The following ITGA4 variants were observed in gnomAD, a reference collection of about 807,000 sequenced individuals.
ITGA4 encodes the protein integrin alpha-4.
Under a neutral mutation model 133.6 loss-of-function variants are expected in ITGA4, and 63 were observed. That is an observed-to-expected ratio of 0.47 (90% CI 0.38 to 0.58). ITGA4 has a LOEUF of 0.58. Among genes scored for constraint, ITGA4 ranks in the 20% least tolerant of loss-of-function variants. The pLI is 0.00. For missense variants in ITGA4, 1,076 were observed against 1,252.7 expected, an observed-to-expected ratio of 0.86 and a Z score of 2.13; for synonymous variants, 483 against 438.0, an observed-to-expected ratio of 1.10 and a Z score of -1.28.
chr2:181,488,059 G>A (rs1384606753), intron 10 of ITGA4, among the ~76,000 whole-genome samples: 1 of 152,198 alleles, frequency 6.6e-6, no homozygotes, highest in Non-Finnish European at 1.5e-5. Flanking sequence ...TTTTGAATGT[G>A]AAAAGTATAT....
chr2:181,483,377 C>T (rs1382616548), intron 9 of ITGA4, among the ~76,000 whole-genome samples: 3 of 151,952 alleles, frequency 2.0e-5, no homozygotes, highest in African/African-American at 7.2e-5. Flanking sequence ...ATCTTCTTGG[C>T]CCGTTCTTTG....
intron 9 of ITGA4, among the ~76,000 whole-genome samples, chr2:181,485,552 C>T (rs1416161144): frequency 6.6e-6 from 1 of 152,134 alleles, no homozygotes; most frequent in Non-Finnish European, 1.5e-5. Flanking sequence ...TTCACCTTTT[C>T]GCTCTTTGCA....
chr2:181,488,121 T>A (rs904256330), intron 10 of ITGA4, among the ~76,000 whole-genome samples: 11 of 152,204 alleles, frequency 7.2e-5, no homozygotes, highest in African/African-American at 2.7e-4. Flanking sequence ...CAATGACAAA[T>A]TTGAATTATT....
intron 4 of ITGA4, chr2:181,475,745 A>G (rs946755917): frequency 7.2e-6 from 11 of 1,526,388 alleles, no homozygotes; most frequent in Admixed American, 4.1e-5. Context: ...TCTAATTTAC[A>G]TGTTTTCCTT....
At chr2:181,504,412 C>T (rs972944524) in intron 15 of ITGA4, among the ~76,000 whole-genome samples, 8 of 151,966 alleles carry the variant, frequency 5.3e-5, no homozygotes, top group African/African-American at 1.9e-4. Flanking sequence ...TTAGTAAATA[C>T]ATTTTTTTGT....
chr2:181,520,539 G>T (rs1016528160), intron 17 of ITGA4, among the ~76,000 whole-genome samples: 1 of 151,952 alleles, frequency 6.6e-6, no homozygotes, highest in African/African-American at 2.4e-5. Flanking sequence ...GAGAGGAGAA[G>T]GACTTGAGAC....
chr2:181,494,732 G>A lies in ITGA4; in HGVS notation c.1259G>A (p.Gly420Glu). 1 of 1,587,632 alleles carries A rather than the reference G, an allele frequency of 6.3e-7. No homozygotes were observed. Among genetic ancestry groups the A allele is most frequent in the Non-Finnish European group, 8.6e-7 (1 of 1,156,252 alleles). Residue 420 changes from glycine (G) to glutamate (E), a missense_variant, in exon 12 of 28, where the codon GGA (glycine) becomes GAA (glutamate). By Grantham distance (98) the Gly-to-Glu change is moderately conservative (BLOSUM62 -2). Transcript: ENST00000397033. Reference sequence around the variant, plus strand: ...TTTCCTATTTTTCAGAGAATTGAAGGACTTCAGATCAGCAAATCGTTAAGT... The same window carrying A: ...TTTCCTATTTTTCAGAGAATTGAAGAACTTCAGATCAGCAAATCGTTAAGT... ...ISSTFSQRIE[G>E]LQISKSLSMF...
At chr2:181,529,216 T>A (rs1031902694) in intron 22 of ITGA4, among the ~76,000 whole-genome samples, 11 of 151,054 alleles carry the variant, frequency 7.3e-5, no homozygotes, top group Admixed American at 4.6e-4. Flanking sequence ...ATGATATTTT[T>A]AAAATATGTA....
Position 181,535,546 on chromosome 2 carries a change from G to GAGAA in ITGA4, c.*20_*23dup. 1.9e-6 allele frequency: 3 copies of GAGAA among 1,583,770 alleles called. No individual in the cohort carries two copies. Among genetic ancestry groups the GAGAA allele is most frequent in the Non-Finnish European group, 2.6e-6 (3 of 1,166,732 alleles). On this transcript the variant is annotated 3_prime_UTR_variant, in exon 28 of 28. Coordinates refer to ENST00000397033, the MANE Select transcript of ITGA4 (RefSeq NM_000885.6). ...TGATTAAGGACTTCTTTCAAATTGAGAGAATGGAAAACAGACTCAGGTTGT... is the reference window on the plus strand; with the variant it reads ...TGATTAAGGACTTCTTTCAAATTGAGAGAAAGAATGGAAAACAGACTCAGGTTGT...
At chr2:181,477,448 C>T (rs927639261) in intron 4 of ITGA4, among the ~76,000 whole-genome samples, 1 of 152,022 alleles carries the variant, frequency 6.6e-6, no homozygotes, top group Non-Finnish European at 1.5e-5. Flanking sequence ...AAATAATATT[C>T]GCATAAGTCC....
chr2:181,502,340 G>C (rs565248564), intron 15 of ITGA4, among the ~76,000 whole-genome samples: 1 of 152,248 alleles, frequency 6.6e-6, no homozygotes, highest in African/African-American at 2.4e-5. Context: ...AGCTGAACTG[G>C]AGTGAAGAGT....
intron 17 of ITGA4, among the ~76,000 whole-genome samples, chr2:181,515,855 A>G (rs1686594069): frequency 6.6e-6 from 1 of 152,136 alleles, no homozygotes; most frequent in Non-Finnish European, 1.5e-5. Flanking sequence ...TCTCCCAGCT[A>G]TAACTCTGCT....
chr2:181,501,907 A>G (rs914831678), intron 15 of ITGA4, among the ~76,000 whole-genome samples: 1 of 152,142 alleles, frequency 6.6e-6, no homozygotes, highest in African/African-American at 2.4e-5. Context: ...AGGTAACTTA[A>G]TATATCTTTG....
chr2:181,480,159 C>A lies in ITGA4; in HGVS notation c.647C>A (p.Pro216Gln). ...YTKDLIVMGAPGSSYWTGSLF... is the reference protein window; with the variant it reads ...YTKDLIVMGAQGSSYWTGSLF... ...CAGGATTTAATTGTGATGGGGGCCC[C>A]AGGATCATCTTACTGGACTGGCTCT... The change falls in exon 6 of 28, where the codon CCA becomes CAA. Residue 216 changes from proline (P) to glutamine (Q), a missense_variant. Physicochemically the swap from Pro to Gln is moderately conservative, Grantham distance 76. Transcript: ENST00000397033. The A allele has an allele frequency of 6.4e-7, 1 of 1,554,412 alleles. No individual in the cohort carries two copies. The highest frequency in any genetic ancestry group is 2.3e-5 in the East Asian group (1 of 43,110).
chr2:181,497,993 T>C (rs1481199876), intron 14 of ITGA4, among the ~76,000 whole-genome samples: 1 of 151,970 alleles, frequency 6.6e-6, no homozygotes, highest in Non-Finnish European at 1.5e-5. Context: ...TTTTTAAAAA[T>C]TGCACAAATT....
intron 26 of ITGA4, 59 bp downstream of exon 26, chr2:181,534,429 TCTATAATTACTTC>T: frequency 9.8e-7 from 1 of 1,023,458 alleles, no homozygotes; most frequent in Non-Finnish European, 1.5e-6. Flanking sequence ...TTCAAGGGTG[TCTATAATTACTTC>T]CTTCTGAGTA....
rs181467113 is a variant in ITGA4, at chr2:181,470,658, T to C, written c.320-4302T>C. Among the ~76,000 whole-genome samples the C allele has an allele frequency of 7.8e-4, 119 of 152,186 alleles. No homozygotes were observed. The East Asian group carries it at 0.017, about 22-fold the overall frequency. Reference sequence around the variant, plus strand: ...AGAAAAGCTTTGGAGAAGGCCATGATCACAAGCTGATCATGTAGCAGTCTT... The same window carrying C: ...AGAAAAGCTTTGGAGAAGGCCATGACCACAAGCTGATCATGTAGCAGTCTT... On this transcript the variant is annotated intron_variant, in intron 2 of 27. Coordinates refer to ENST00000397033, the MANE Select transcript of ITGA4 (RefSeq NM_000885.6).
At chr2:181,498,410 G>T (rs1686201241) in intron 14 of ITGA4, 3 of 302,492 alleles carry the variant, frequency 9.9e-6, no homozygotes, top group South Asian at 1.2e-4. Flanking sequence ...CTAGAGGAAA[G>T]TTCATAAATC....
chr2:181,518,823 TTAAAAA>T (rs1465216026), intron 17 of ITGA4, among the ~76,000 whole-genome samples: 1 of 152,032 alleles, frequency 6.6e-6, no homozygotes, highest in Non-Finnish European at 1.5e-5. Flanking sequence ...TTTTTATTAA[TTAAAAA>T]TAGTGCCTGA....
Sources: allele counts gnomAD v4.1 joint callset (sites outside exome capture counted in the v4.1 genomes callset), GRCh38; gene constraint gnomAD v4.1.1; transcripts MANE v1.5; gene names NCBI Gene and HGNC (gene_info 2026-07-23, HGNC 2026-07-21).